The following ITPR3 variants were observed in gnomAD, a reference collection of about 807,000 sequenced individuals.
The protein encoded by ITPR3 is inositol 1,4,5-trisphosphate receptor type 3, also known as inositol 1,4,5-trisphosphate-gated calcium channel ITPR3.
In ITPR3, 173 loss-of-function variants were observed where a neutral mutation model predicts 293.2. That is an observed-to-expected ratio of 0.59 (90% confidence interval 0.52 to 0.67). ITPR3 has a LOEUF of 0.67. Ranked by LOEUF, ITPR3 falls within the 30% of genes least tolerant of loss-of-function variation. The pLI is 0.00. For synonymous variants in ITPR3, 1,295 were observed against 1,444.4 expected (o/e 0.90, Z 2.35); for missense variants, 2,796 against 3,592.1 (o/e 0.78, Z 5.66).
chr6:33,689,278 C>T lies in ITPR3; in HGVS notation c.6735C>T (p.Ile2245=). ...CTCTCATCTCATTGCTCTTCTGGAT[C>T]CTCATCTGCTTCTCCATCGCGGCCC... The part of the protein sequence containing the change: ...DSPLISLLFW[I]LICFSIAALF... The change falls in exon 50 of 58, where the codon ATC becomes ATT. Residue 2245 remains isoleucine (I), a synonymous_variant. Transcript: ENST00000605930. The T allele has an allele frequency of 1.2e-6, 2 of 1,611,970 alleles. No homozygotes were observed. Among genetic ancestry groups the T allele is most frequent in the African/African-American group, 1.3e-5 (1 of 75,060 alleles).
At position 33,668,722 on chromosome 6, in the gene ITPR3, T is replaced by G. The variant is rs1764679487; in HGVS notation, c.2006+88T>G. ...GCTTAGGCCCTGTCTGGGTTCAGGC[T>G]GGAACTGGCACCCTTGCTCTCTGCA... On this transcript the variant is annotated intron_variant, in intron 17 of 57. Coordinates refer to ENST00000605930, the MANE Select transcript of ITPR3 (RefSeq NM_002224.4). 3 of 1,579,206 alleles carry G rather than the reference T, an allele frequency of 1.9e-6. No homozygotes were observed. The Admixed American group carries it at 5.1e-5, about 27-fold the overall frequency.
chr6:33,677,676 G>A (rs545396855), intron 28 of ITPR3, 47 bp downstream of exon 28: 1 of 1,602,618 alleles, frequency 6.2e-7, no homozygotes, highest in Non-Finnish European at 8.5e-7. Flanking sequence ...GCTTCCCCCT[G>A]AACCCCGGCC....
rs2127284584 is a variant in ITPR3, at chr6:33,671,280, T to C, written c.2702T>C (p.Met901Thr). The part of the protein sequence containing the change: ...IIDCVQGPPA[M>T]LQAYEDPGGK... ...GACTGTGTGCAGGGGCCCCCGGCCA[T>C]GCTGCAGGCCTATGAGGACCCCGGT... Residue 901 changes from methionine (M) to threonine (T), a missense_variant, in exon 21 of 58, where the codon ATG becomes ACG. By Grantham distance (81) the Met-to-Thr change is moderately conservative. Transcript: ENST00000605930. 1 of 1,613,446 alleles carries C rather than the reference T, an allele frequency of 6.2e-7. No individual in the cohort carries two copies. Among genetic ancestry groups the C allele is most frequent in the Non-Finnish European group, 8.5e-7 (1 of 1,179,930 alleles).
At position 33,673,555 on chromosome 6, in the gene ITPR3, A is replaced by G; in HGVS notation, c.2929-36A>G. 5 of 1,611,804 alleles carry G rather than the reference A, an allele frequency of 3.1e-6. 1 individual carries two copies. The South Asian group carries it at 5.5e-5, about 18-fold the overall frequency. On this transcript the variant is annotated intron_variant, in intron 22 of 57. Coordinates refer to ENST00000605930, the MANE Select transcript of ITPR3 (RefSeq NM_002224.4). ...GCCTTCTGACCTCAGATCAGTCCTCACCCCATCCTCACCTGACCTTTCCTC... is the reference window on the plus strand; with the variant it reads ...GCCTTCTGACCTCAGATCAGTCCTCGCCCCATCCTCACCTGACCTTTCCTC...
At chr6:33,630,550 T>C (rs964751987) in intron 1 of ITPR3, among the ~76,000 whole-genome samples, 1 of 152,130 alleles carries the variant, frequency 6.6e-6, no homozygotes, top group Non-Finnish European at 1.5e-5. Flanking sequence ...CTGTCTTTCT[T>C]CTCCTTGGCC....
Position 33,683,855 on chromosome 6 carries a change from G to A in ITPR3, c.4789-165G>A, listed in dbSNP as rs561368140. On this transcript the variant is annotated intron_variant, in intron 35 of 57. Transcript: ENST00000605930. This position sits in a 1 kb window ranked among gnomAD's most constrained non-coding sequence, Gnocchi z 4.5. ...CTTGGCAGCTCCCAGCCAGGGCTCT[G>A]AGCAGACAGACATCACGCTGTGTTC... 6.6e-6 allele frequency among the ~76,000 whole-genome samples: 1 copy of A among 152,262 alleles called. No individual in the cohort carries two copies. The highest frequency in any genetic ancestry group is 1.9e-4 in the East Asian group (1 of 5,168).
rs748365085 is a variant in ITPR3, at chr6:33,667,291, G to A, written c.1713+1G>A. On this transcript the variant is annotated splice_donor_variant, in intron 15 of 57. Transcript: ENST00000605930. LOFTEE classifies it high-confidence loss of function. This position sits in a 1 kb window ranked among gnomAD's most constrained non-coding sequence, Gnocchi z 4.4. ...CCAGGAGGACTACCGCAAGAACCAG[G>A]TGCGCCGCTGCCCTGCTGGCCCACT... is the stretch of plus-strand genomic sequence containing the variant. 1 of 1,611,424 alleles carries A rather than the reference G, an allele frequency of 6.2e-7. No homozygotes were observed. Among genetic ancestry groups the A allele is most frequent in the Non-Finnish European group, 8.5e-7 (1 of 1,179,456 alleles).
chr6:33,669,920 C>T (rs1015828253), intron 18 of ITPR3, among the ~76,000 whole-genome samples: 28 of 152,288 alleles, frequency 1.8e-4, no homozygotes, highest in Admixed American at 1.1e-3. Flanking sequence ...CAGAGCTTCC[C>T]ACGTTCCTCA....
rs1481622978 is a variant in ITPR3, at chr6:33,691,675, A to T, written c.7286A>T (p.Lys2429Met). 5 of 1,614,018 alleles carry T rather than the reference A, an allele frequency of 3.1e-6. No homozygotes were observed. In the South Asian group the frequency reaches 4.4e-5, roughly 14 times the overall value. ...TTTGTGGACACCTGCAGTGGGGACA[A>T]GATGGACTGTGTCTCAGGGCTCTCG... is the stretch of plus-strand genomic sequence containing the variant. ...AAFVDTCSGD[K>M]MDCVSGLSVP... is the part of the protein sequence containing the mutation. Residue 2429 changes from lysine (K) to methionine (M), a missense_variant, in exon 53 of 58, where the codon AAG becomes ATG. Lys to Met is a moderately conservative substitution (Grantham distance 95). This residue lies in a region of ITPR3 where 568 missense variants were observed against 796.1 expected (regional missense o/e 0.71). Transcript: ENST00000605930. The surrounding 1 kb of genome is among the most constrained non-coding windows in gnomAD (Gnocchi z 4.9).
In ITPR3 at chr6:33,679,395, A is replaced by C. The variant is rs537532881; in HGVS notation, c.3973-487A>C. On this transcript the variant is annotated intron_variant, in intron 30 of 57. Coordinates refer to ENST00000605930, the MANE Select transcript of ITPR3 (RefSeq NM_002224.4). This position sits in a 1 kb window ranked among gnomAD's most constrained non-coding sequence, Gnocchi z 4.2. ...CAGTGTAGGCGGCAGGGGGAGAAAG[A>C]AGCAAACACTGAAGGGAGATTAGGA... Among the ~76,000 whole-genome samples the C allele has an allele frequency of 2.6e-5, 4 of 152,330 alleles. No individual in the cohort carries two copies. Among genetic ancestry groups the C allele is most frequent in the East Asian group, 3.9e-4 (2 of 5,192 alleles).
chr6:33,674,690 A>C (rs1764860253), intron 24 of ITPR3, among the ~76,000 whole-genome samples: 1 of 152,236 alleles, frequency 6.6e-6, no homozygotes, highest in South Asian at 2.1e-4. Context: ...AGCAGGGCTT[A>C]TGGACTGCTT....
At position 33,670,300 on chromosome 6, in the gene ITPR3, C is replaced by G. The variant is rs759294715; in HGVS notation, c.2190-25C>G. The G allele has an allele frequency of 1.2e-6, 2 of 1,613,326 alleles. No homozygotes were observed. Among genetic ancestry groups the G allele is most frequent in the African/African-American group, 2.7e-5 (2 of 75,072 alleles). ...GCCTCCCGGCTGCCATCTGCCGTGT[C>G]CTCACAGTCCTCCCTGTCCTGCAGG... is the stretch of plus-strand genomic sequence containing the variant. On this transcript the variant is annotated intron_variant, in intron 18 of 57. Transcript: ENST00000605930. This position sits in a 1 kb window ranked among gnomAD's most constrained non-coding sequence, Gnocchi z 6.7.
In ITPR3 at chr6:33,667,309, G is replaced by A; in HGVS notation, c.1713+19G>A. 6.2e-7 allele frequency: 1 copy of A among 1,607,632 alleles called. No individual in the cohort carries two copies. Among genetic ancestry groups the A allele is most frequent in the Non-Finnish European group, 8.5e-7 (1 of 1,177,148 alleles). ...GAACCAGGTGCGCCGCTGCCCTGCTGGCCCACTCGCTGGCTGCACGTTCCT... is the reference window on the plus strand; with the variant it reads ...GAACCAGGTGCGCCGCTGCCCTGCTAGCCCACTCGCTGGCTGCACGTTCCT... On this transcript the variant is annotated intron_variant, in intron 15 of 57. Transcript: ENST00000605930. This position sits in a 1 kb window ranked among gnomAD's most constrained non-coding sequence, Gnocchi z 4.4.
chr6:33,687,023 G>C lies in ITPR3; in HGVS notation c.5994G>C (p.Lys1998Asn), dbSNP rs1765249644. ...CCTCCACCCAGGACAATGCCTCCAA[G>C]CTGCTCCTGGCTCTGATGGAGAGCC... ...LVLQLKDNAS[K>N]LLLALMESRH... Residue 1998 changes from lysine (K) to asparagine (N), a missense_variant, in exon 44 of 58, where the codon AAG becomes AAC. Coordinates refer to ENST00000605930, the MANE Select transcript of ITPR3 (RefSeq NM_002224.4). This position sits in a 1 kb window ranked among gnomAD's most constrained non-coding sequence, Gnocchi z 5.3. 1 of 1,613,874 alleles carries C rather than the reference G, an allele frequency of 6.2e-7. No homozygotes were observed. Among genetic ancestry groups the C allele is most frequent in the African/African-American group, 1.3e-5 (1 of 74,914 alleles).
chr6:33,647,253 T>C (rs7757800), intron 2 of ITPR3, among the ~76,000 whole-genome samples: 23,623 of 152,104 alleles, frequency 0.16, 2,115 homozygotes, highest in Non-Finnish European at 0.21. Context: ...AGCGAACTCT[T>C]GGACTCAAGC....
intron 24 of ITPR3, 147 bp downstream of exon 24, chr6:33,674,412 C>A: frequency 1.5e-6 from 1 of 680,668 alleles, no homozygotes; most frequent in Non-Finnish European, 2.5e-6. Flanking sequence ...TGCTCAGCCC[C>A]TCCCCTGCCT....
chr6:33,693,606 G>A lies in ITPR3; in HGVS notation c.7686G>A (p.Glu2562=). 1.2e-6 allele frequency: 2 copies of A among 1,614,222 alleles called. No individual in the cohort carries two copies. The highest frequency in any genetic ancestry group is 1.7e-6 in the Non-Finnish European group (2 of 1,180,026). The change falls in exon 56 of 58, where the codon GAG becomes GAA. Residue 2562 remains glutamate (E), a synonymous_variant. Coordinates refer to ENST00000605930, the MANE Select transcript of ITPR3 (RefSeq NM_002224.4). ...TVSFEEHIKL[E]HNMWNYLYFI... is the part of the protein sequence containing the mutation. ...CATTTGAGGAACACATCAAGCTGGA[G>A]CACAACATGTGGAACTACTTGTACT...
At chr6:33,669,879 A>C (rs1764710615) in intron 18 of ITPR3, among the ~76,000 whole-genome samples, 1 of 152,172 alleles carries the variant, frequency 6.6e-6, no homozygotes, top group African/African-American at 2.4e-5. Flanking sequence ...TGTGAGGAGG[A>C]GGCAGAGGGC....
Position 33,684,862 on chromosome 6 carries a change from C to T in ITPR3, c.5226C>T (p.Thr1742=). ...GATKLVCDLI[T]STKNEKIFQE... is the part of the protein sequence containing the mutation. ...CCAAGTTGGTATGCGACCTCATCAC[C>T]AGCACCAAGAACGAGAAGATCTTCC... is the stretch of plus-strand genomic sequence containing the variant. The change falls in exon 39 of 58, where the codon ACC becomes ACT. Residue 1742 remains threonine (T), a synonymous_variant. Transcript: ENST00000605930. This position sits in a 1 kb window ranked among gnomAD's most constrained non-coding sequence, Gnocchi z 4.2. 1 of 1,614,136 alleles carries T rather than the reference C, an allele frequency of 6.2e-7. No homozygotes were observed. The highest frequency in any genetic ancestry group is 1.1e-5 in the South Asian group (1 of 91,086).
Sources: allele counts gnomAD v4.1 joint callset (sites outside exome capture counted in the v4.1 genomes callset), GRCh38; gene constraint gnomAD v4.1.1; regional missense constraint gnomAD v4.1.1; non-coding constraint Gnocchi (gnomAD v3.1); transcripts MANE v1.5; gene names NCBI Gene and HGNC (gene_info 2026-07-23, HGNC 2026-07-21).